RASAL2: variants seen among roughly 807,000 people sequenced by gnomAD.
RASAL2 encodes the protein ras GTPase-activating protein nGAP.
RASAL2 carries 58 observed loss-of-function variants against 128.9 expected under a neutral mutation model. The observed-to-expected ratio is 0.45, with a 90% CI of 0.36 to 0.56. The LOEUF (loss-of-function observed/expected upper bound fraction) is 0.56, where lower values mean the gene tolerates loss of function less well. Ranked by LOEUF, RASAL2 falls within the 20% of genes least tolerant of loss-of-function variation. The probability of loss-of-function intolerance (pLI) is 0.00; values close to 1 mark genes in which losing one functional copy is unlikely to be tolerated. For missense variants in RASAL2, 1,360 were observed against 1,601.6 expected (o/e 0.85, Z 2.57); for synonymous variants, 561 against 580.8 (o/e 0.97, Z 0.49).
chr1:178,245,543 A>G (rs944462497), intron 1 of RASAL2, among the ~76,000 whole-genome samples: 1 of 152,098 alleles, frequency 6.6e-6, no homozygotes, highest in Non-Finnish European at 1.5e-5. Flanking sequence ...CTCTGATGAT[A>G]GTTTCTTTTG....
At chr1:178,452,127 T>C (rs1484628116) in intron 10 of RASAL2, among the ~76,000 whole-genome samples, 1 of 152,196 alleles carries the variant, frequency 6.6e-6, no homozygotes. Context: ...TGAGTTATAC[T>C]AAACCAGATG....
chr1:178,370,645 G>A (rs1166619717), intron 3 of RASAL2, among the ~76,000 whole-genome samples: 1 of 152,046 alleles, frequency 6.6e-6, no homozygotes, highest in Non-Finnish European at 1.5e-5. Context: ...ATTCAGCCTG[G>A]CATCTCCTGC....
chr1:178,128,512 A>G (rs964660654), intron 1 of RASAL2, among the ~76,000 whole-genome samples: 2 of 152,162 alleles, frequency 1.3e-5, no homozygotes, highest in African/African-American at 4.8e-5. Context: ...AATACTCTGT[A>G]CATCTTTTTT....
chr1:178,094,704 A>G lies in RASAL2; in HGVS notation c.202+10A>G, dbSNP rs375628579. 979 of 1,613,886 alleles carry G rather than the reference A, an allele frequency of 6.1e-4. 1 individual carries two copies. The highest frequency in any genetic ancestry group is 7.8e-4 in the Non-Finnish European group (925 of 1,179,926). On this transcript the variant is annotated intron_variant, in intron 1 of 17. Coordinates refer to ENST00000367649, the MANE Select transcript of RASAL2 (RefSeq NM_170692.4). ...TGGGTCCGGGTGTACGGTAAGGACC[A>G]CAGGCCGTCTTAGAGGCTGGTGTTT... is the stretch of plus-strand genomic sequence containing the variant.
At chr1:178,157,540 G>A (rs1420154726) in intron 1 of RASAL2, among the ~76,000 whole-genome samples, 1 of 152,150 alleles carries the variant, frequency 6.6e-6, no homozygotes, top group Non-Finnish European at 1.5e-5. Context: ...AAGGCTGCAG[G>A]GAGTTGGGGT....
intron 1 of RASAL2, among the ~76,000 whole-genome samples, chr1:178,221,512 T>G (rs1259465459): frequency 6.6e-6 from 1 of 152,222 alleles, no homozygotes; most frequent in African/African-American, 2.4e-5. Flanking sequence ...TTGAGATTTC[T>G]TTGATAACAT....
chr1:178,279,155 GT>G (rs1353659319), intron 1 of RASAL2, among the ~76,000 whole-genome samples: 2 of 152,030 alleles, frequency 1.3e-5, no homozygotes, highest in African/African-American at 4.8e-5. Context: ...TCCCTTTTAG[GT>G]TATCTTTCTT....
At chr1:178,117,706 G>T (rs371346740) in intron 1 of RASAL2, among the ~76,000 whole-genome samples, 1 of 152,304 alleles carries the variant, frequency 6.6e-6, no homozygotes, top group African/African-American at 2.4e-5. Flanking sequence ...AAGAGGCACT[G>T]TCCATGAAGC....
At chr1:178,421,574 C>T (rs1675143421) in intron 5 of RASAL2, among the ~76,000 whole-genome samples, 1 of 152,060 alleles carries the variant, frequency 6.6e-6, no homozygotes, top group Non-Finnish European at 1.5e-5. Context: ...TGCCCAGGGT[C>T]ACACAGCTAA....
At chr1:178,108,270 G>A (rs1438268000) in intron 1 of RASAL2, among the ~76,000 whole-genome samples, 1 of 152,030 alleles carries the variant, frequency 6.6e-6, no homozygotes, top group African/African-American at 2.4e-5. Flanking sequence ...GTCTATTCAA[G>A]TCCTCTTTTT....
intron 3 of RASAL2, among the ~76,000 whole-genome samples, chr1:178,315,359 C>A (rs1220690509): frequency 5.0e-5 from 7 of 139,032 alleles, no homozygotes; most frequent in South Asian, 4.4e-4. Context: ...CCTGAGGAAT[C>A]GCCACACTGA....
intron 1 of RASAL2, among the ~76,000 whole-genome samples, chr1:178,274,593 T>C (rs1261295691): frequency 6.6e-6 from 1 of 152,160 alleles, no homozygotes; most frequent in Non-Finnish European, 1.5e-5. Context: ...CTTTTCTCTT[T>C]CTTTTCTTTT....
chr1:178,343,054 A>G (rs1669967220), intron 3 of RASAL2, among the ~76,000 whole-genome samples: 1 of 152,224 alleles, frequency 6.6e-6, no homozygotes, highest in Non-Finnish European at 1.5e-5. Context: ...AATAGTAAAG[A>G]TAGCCACTGT....
intron 4 of RASAL2, among the ~76,000 whole-genome samples, chr1:178,408,255 A>G (rs1032955124): frequency 2.0e-5 from 3 of 152,218 alleles, no homozygotes; most frequent in African/African-American, 7.2e-5. Flanking sequence ...TGGTGTCAGA[A>G]GGATGAAATC....
At chr1:178,242,471 C>G (rs1558136000) in intron 1 of RASAL2, among the ~76,000 whole-genome samples, 1 of 86,712 alleles carries the variant, frequency 1.2e-5, no homozygotes, top group Non-Finnish European at 2.3e-5. Flanking sequence ...CTCTCTCTCT[C>G]TCTCTCTCTC....
chr1:178,471,117 A>T (rs1210071737), intron 17 of RASAL2, among the ~76,000 whole-genome samples: 1 of 152,144 alleles, frequency 6.6e-6, no homozygotes, highest in Non-Finnish European at 1.5e-5. Flanking sequence ...TAAAAATCAA[A>T]TTTTTTATGA....
chr1:178,111,250 T>G (rs1256676341), intron 1 of RASAL2, among the ~76,000 whole-genome samples: 2 of 152,094 alleles, frequency 1.3e-5, no homozygotes, highest in African/African-American at 4.8e-5. Flanking sequence ...TGTACTAGTC[T>G]TTGCGCACAC....
intron 1 of RASAL2, among the ~76,000 whole-genome samples, chr1:178,247,649 A>G (rs558903634): frequency 6.6e-6 from 1 of 151,928 alleles, no homozygotes; most frequent in East Asian, 1.9e-4. Context: ...TAGTTCTTTT[A>G]AGTGTGATGT....
chr1:178,331,744 G>A (rs576103036), intron 3 of RASAL2, among the ~76,000 whole-genome samples: 19 of 151,718 alleles, frequency 1.3e-4, no homozygotes, highest in African/African-American at 3.4e-4. Flanking sequence ...CCACCACCAC[G>A]CCTGGCTAAT....
Sources: gnomAD v4.1 joint callset for allele counts (sites outside exome capture counted in the v4.1 genomes callset) on GRCh38, gnomAD v4.1.1 for gene constraint, MANE v1.5 for transcripts, NCBI Gene and HGNC (gene_info 2026-07-23, HGNC 2026-07-21) for gene names.